Variants in RREB1 observed in about 807,000 individuals in gnomAD.
RREB1 encodes ras-responsive element-binding protein 1.
In RREB1, 27 loss-of-function variants were observed where a neutral mutation model predicts 117.8. The ratio of observed to expected loss-of-function variants is 0.23; its 90% CI spans 0.17 to 0.32. The LOEUF (loss-of-function observed/expected upper bound fraction) is 0.32. Among genes scored for constraint, RREB1 ranks in the 10% least tolerant of loss-of-function variants. The probability of loss-of-function intolerance (pLI) is 1.00; values close to 1 mark genes in which losing one functional copy is unlikely to be tolerated. For synonymous variants in RREB1, 1,298 were observed against 1,026.7 expected (o/e 1.26, Z -5.05); for missense variants, 2,577 against 2,378.2 (o/e 1.08, Z -1.74).
rs1764155833 is a variant in RREB1 at position 7,170,485 on chromosome 6, AC to A, written c.-284-6168del. Among the ~76,000 whole-genome samples, 3 of 151,816 alleles carry A rather than the reference AC, an allele frequency of 2.0e-5. No individual in the cohort carries two copies. In the South Asian group the frequency reaches 6.2e-4, roughly 32 times the overall value. Reference sequence around the variant, plus strand: ...TCAGGTTTGGAGGTGATCCACAACCACCTCCAAGGAGCTTTTCGGGAAGTAC... The same window carrying A: ...TCAGGTTTGGAGGTGATCCACAACCACTCCAAGGAGCTTTTCGGGAAGTAC... On this transcript the variant is annotated intron_variant, in intron 1 of 12. Transcript: ENST00000379938.
rs1265653478 is a variant in RREB1, at chr6:7,187,451, G to A, written c.189G>A (p.Lys63=). 3 of 1,603,008 alleles carry A rather than the reference G, an allele frequency of 1.9e-6. No individual in the cohort carries two copies. In the East Asian group the frequency reaches 6.7e-5, roughly 36 times the overall value. Residue 63 remains lysine, a synonymous_variant, in exon 5 of 13, where the codon AAG becomes AAA. Transcript: ENST00000379938. The part of the protein sequence containing the change: ...GRRNQETKEE[K]SSYNCPLCEK... ...CTTTTTAGGAAACGAAAGAGGAGAA[G>A]TCTTCCTATAACTGCCCCCTGTGTG...
At chr6:7,190,312 T>A (rs1392142660) in intron 6 of RREB1, among the ~76,000 whole-genome samples, 3 of 152,222 alleles carry the variant, frequency 2.0e-5, no homozygotes, top group African/African-American at 4.8e-5. Flanking sequence ...TCTTTCATGC[T>A]ATTTTGACCC....
At chr6:7,221,918 C>CT (rs1278971761) in intron 8 of RREB1, among the ~76,000 whole-genome samples, 2 of 152,042 alleles carry the variant, frequency 1.3e-5, no homozygotes, top group African/African-American at 2.4e-5. Context: ...TTCCTGATTT[C>CT]TTTTTTTCCC....
chr6:7,235,720 T>G (rs890643752), intron 10 of RREB1, among the ~76,000 whole-genome samples: 8 of 152,290 alleles, frequency 5.3e-5, no homozygotes, highest in South Asian at 2.1e-4. Context: ...AATGCTGGCC[T>G]CCTCCTACCC....
chr6:7,151,909 A>G (rs1288921444), intron 1 of RREB1, among the ~76,000 whole-genome samples: 2 of 152,254 alleles, frequency 1.3e-5, no homozygotes, highest in East Asian at 1.9e-4. Flanking sequence ...CTTGTGATGA[A>G]CAGGACTATG....
chr6:7,178,396 T>C (rs750943446), intron 2 of RREB1, among the ~76,000 whole-genome samples: 1 of 152,190 alleles, frequency 6.6e-6, no homozygotes, highest in Non-Finnish European at 1.5e-5. Flanking sequence ...GATGTGGTTA[T>C]AGGGTAGATA....
At position 7,249,101 on chromosome 6, in the gene RREB1, G is replaced by GAGAGAGAGAGAGAGACAGAC. The variant is rs1561812153; in HGVS notation, c.*136_*137insGAGAGAGAGAGACAGACAGA. ...AGAGAGAGAGAGAGAGAGAGAGAGAGAGACAAGCAGGAGCGTGGCTGCTCG... is the reference window on the plus strand; with the variant it reads ...AGAGAGAGAGAGAGAGAGAGAGAGAGAGAGAGAGAGAGAGACAGACAGACAAGCAGGAGCGTGGCTGCTCG... On this transcript the variant is annotated 3_prime_UTR_variant, in exon 13 of 13. Transcript: ENST00000379938. 1 of 591,898 alleles carries GAGAGAGAGAGAGAGACAGAC rather than the reference G, an allele frequency of 1.7e-6. No individual in the cohort carries two copies. The highest frequency in any genetic ancestry group is 2.1e-5 in the African/African-American group (1 of 48,608). The allele number at this position is 591,898 out of a possible 1,614,324, so 36.7% of individuals were successfully genotyped here.
At chr6:7,193,617 T>G (rs180851202) in intron 6 of RREB1, among the ~76,000 whole-genome samples, 18 of 152,172 alleles carry the variant, frequency 1.2e-4, no homozygotes, top group African/African-American at 4.3e-4. Flanking sequence ...TTTTGTTTTG[T>G]TTTTTTGGAA....
chr6:7,209,774 A>G (rs1766482109), intron 6 of RREB1, among the ~76,000 whole-genome samples: 1 of 152,116 alleles, frequency 6.6e-6, no homozygotes, highest in Admixed American at 6.6e-5. Context: ...ACTTCTTTTC[A>G]GAAGGTTGAC....
intron 1 of RREB1, among the ~76,000 whole-genome samples, chr6:7,160,279 C>T (rs1021238336): frequency 1.3e-5 from 2 of 151,818 alleles, no homozygotes; most frequent in Non-Finnish European, 2.9e-5. Flanking sequence ...AAACTCCTGG[C>T]GTCACGAATA....
chr6:7,232,403 G>T (rs1013483543), intron 10 of RREB1, among the ~76,000 whole-genome samples: 2 of 152,202 alleles, frequency 1.3e-5, no homozygotes, highest in Non-Finnish European at 2.9e-5. Flanking sequence ...TCTTCTTAAA[G>T]AGAAATATGA....
At chr6:7,199,626 G>A (rs959133643) in intron 6 of RREB1, among the ~76,000 whole-genome samples, 2 of 151,888 alleles carry the variant, frequency 1.3e-5, no homozygotes, top group Admixed American at 1.3e-4. Flanking sequence ...ATATATGTGT[G>A]TGTGCTTGGG....
intron 11 of RREB1, among the ~76,000 whole-genome samples, chr6:7,243,046 T>C (rs977097259): frequency 2.6e-5 from 4 of 152,176 alleles, no homozygotes; most frequent in Non-Finnish European, 5.9e-5. Flanking sequence ...TGTTTTTAAT[T>C]CGTATAAACA....
chr6:7,242,704 G>GGT (rs1018295600), intron 11 of RREB1, among the ~76,000 whole-genome samples: 1 of 151,106 alleles, frequency 6.6e-6, no homozygotes, highest in African/African-American at 2.4e-5. Context: ...AAAAAAAGGG[G>GGT]GGGGGGGAAG....
chr6:7,124,482 A>T (rs528376872), intron 1 of RREB1, among the ~76,000 whole-genome samples: 270 of 152,330 alleles, frequency 1.8e-3, no homozygotes, highest in Non-Finnish European at 3.3e-3. Flanking sequence ...GTGTCTCTTC[A>T]GGAAACTGAG....
chr6:7,117,401 T>G (rs1271795296), intron 1 of RREB1, among the ~76,000 whole-genome samples: 1 of 31,654 alleles, frequency 3.2e-5, no homozygotes, highest in East Asian at 2.6e-4. Context: ...TTTTTTTTTT[T>G]TTTTTTTTTT....
intron 10 of RREB1, among the ~76,000 whole-genome samples, chr6:7,237,742 G>A (rs1267308998): frequency 2.0e-5 from 3 of 152,194 alleles, no homozygotes; most frequent in Non-Finnish European, 2.9e-5. Flanking sequence ...AATACTAAAC[G>A]GGCCCGTTTT....
chr6:7,189,135 C>T (rs528384705), intron 5 of RREB1, 24 bp from the exon 6 acceptor site: 42 of 1,599,440 alleles, frequency 2.6e-5, no homozygotes, highest in East Asian at 1.8e-4. Flanking sequence ...CTTAAGTGAC[C>T]GCTGTGACCA....
chr6:7,116,319 T>G (rs1334091524), intron 1 of RREB1, among the ~76,000 whole-genome samples: 1 of 151,884 alleles, frequency 6.6e-6, no homozygotes, highest in Non-Finnish European at 1.5e-5. Context: ...TGCATCCCCA[T>G]CCCCTTCCTT....
Sources: allele counts gnomAD v4.1 joint callset (sites outside exome capture counted in the v4.1 genomes callset), GRCh38; gene constraint gnomAD v4.1.1; transcripts MANE v1.5; gene names NCBI Gene and HGNC (gene_info 2026-07-23, HGNC 2026-07-21).